ZNF407: variants seen among roughly 807,000 people sequenced by gnomAD.
The protein encoded by ZNF407 is zinc finger protein 407.
ZNF407 carries 17 observed loss-of-function variants against 131.2 expected under a neutral mutation model. The observed-to-expected ratio is 0.13, with a 90% CI of 0.09 to 0.19. The LOEUF is 0.19. ZNF407 is among the 10% of genes least tolerant of loss of function. The pLI, the probability that ZNF407 is intolerant of heterozygous loss-of-function variation, is 1.00. For synonymous variants in ZNF407, 1,156 were observed against 1,062.0 expected, an observed-to-expected ratio of 1.09 and a Z score of -1.72; for missense variants, 2,681 against 2,830.6, an observed-to-expected ratio of 0.95 and a Z score of 1.20.
intron 4 of ZNF407, among the ~76,000 whole-genome samples, chr18:74,803,193 C>G (rs1291494821): frequency 1.3e-5 from 2 of 152,206 alleles, no homozygotes; most frequent in African/African-American, 4.8e-5. Flanking sequence ...TCACTCAATC[C>G]TGAGCTAACT....
intron 4 of ZNF407, among the ~76,000 whole-genome samples, chr18:74,827,799 T>C (rs896820273): frequency 3.3e-5 from 5 of 152,226 alleles, no homozygotes; most frequent in Non-Finnish European, 7.3e-5. Context: ...TGTGTATTTC[T>C]AAGTCTGTCT....
chr18:74,832,614 A>G (rs575301601), intron 4 of ZNF407, among the ~76,000 whole-genome samples: 45 of 152,260 alleles, frequency 3.0e-4, no homozygotes, highest in African/African-American at 9.6e-4. Flanking sequence ...GATTTCAAAT[A>G]TGATGATATC....
intron 3 of ZNF407, among the ~76,000 whole-genome samples, chr18:74,758,295 T>A (rs552848631): frequency 1.3e-5 from 2 of 152,322 alleles, no homozygotes; most frequent in East Asian, 3.9e-4. Context: ...AGTTCATGCA[T>A]ATACACACAT....
chr18:74,813,854 A>G (rs898398714), intron 4 of ZNF407, among the ~76,000 whole-genome samples: 6 of 152,176 alleles, frequency 3.9e-5, no homozygotes, highest in African/African-American at 1.4e-4. Flanking sequence ...TATATATCCT[A>G]TCAGGAAGTG....
At chr18:74,912,052 G>A (rs1863416) in intron 7 of ZNF407, among the ~76,000 whole-genome samples, 64,223 of 151,928 alleles carry the variant, frequency 0.42, 16,911 homozygotes, top group Non-Finnish European at 0.57. Context: ...TAGTGAGGCC[G>A]ATGCATGGAT....
At chr18:74,962,370 C>G (rs752794616) in intron 8 of ZNF407, among the ~76,000 whole-genome samples, 1 of 152,232 alleles carries the variant, frequency 6.6e-6, no homozygotes. Flanking sequence ...ATTTGGCATA[C>G]TCTCTCATCT....
chr18:74,814,485 T>G (rs1233099068), intron 4 of ZNF407, among the ~76,000 whole-genome samples: 1 of 152,160 alleles, frequency 6.6e-6, no homozygotes, highest in Non-Finnish European at 1.5e-5. Flanking sequence ...TAATGTATGT[T>G]TACTTGAGCT....
intron 4 of ZNF407, among the ~76,000 whole-genome samples, chr18:74,875,978 C>T (rs1469738298): frequency 6.6e-6 from 1 of 151,998 alleles, no homozygotes; most frequent in Non-Finnish European, 1.5e-5. Context: ...TTGTGATATT[C>T]CGAGTGATGA....
In ZNF407 at chr18:74,967,185, T is replaced by A. The variant is rs547193039; in HGVS notation, c.5428+46493T>A. Among the ~76,000 whole-genome samples the A allele has an allele frequency of 1.5e-4, 23 of 152,248 alleles. No homozygotes were observed. The East Asian group carries it at 4.4e-3, about 29-fold the overall frequency. On this transcript the variant is annotated intron_variant, in intron 8 of 8. Transcript: ENST00000299687. ...GGGAGGATCACCTGAGCCTGGGAGGTTGAGGCTGCAGTAATTGTGCTGCTG... is the reference window on the plus strand; with the variant it reads ...GGGAGGATCACCTGAGCCTGGGAGGATGAGGCTGCAGTAATTGTGCTGCTG...
chr18:74,615,651 A>G (rs1279539199), intron 1 of ZNF407, among the ~76,000 whole-genome samples: 3 of 152,240 alleles, frequency 2.0e-5, no homozygotes, highest in African/African-American at 2.4e-5. Flanking sequence ...GAAAATTTAT[A>G]TTCTGCAGTT....
intron 4 of ZNF407, among the ~76,000 whole-genome samples, chr18:74,868,772 A>G (rs1198081167): frequency 1.3e-5 from 2 of 152,134 alleles, no homozygotes; most frequent in Non-Finnish European, 2.9e-5. Flanking sequence ...ATTTCAATCT[A>G]TGTGTATTGA....
At chr18:75,005,654 T>C (rs1383925786) in intron 8 of ZNF407, among the ~76,000 whole-genome samples, 1 of 151,742 alleles carries the variant, frequency 6.6e-6, no homozygotes, top group Non-Finnish European at 1.5e-5. Context: ...TGTACTTAAA[T>C]TCTTGTCTCC....
At chr18:74,890,935 T>C (rs1971375819) in intron 7 of ZNF407, among the ~76,000 whole-genome samples, 1 of 152,292 alleles carries the variant, frequency 6.6e-6, no homozygotes, top group South Asian at 2.1e-4. Context: ...GCTGAAAGCA[T>C]CTTGGGAGGT....
At chr18:74,728,499 T>C (rs1968213060) in intron 3 of ZNF407, among the ~76,000 whole-genome samples, 1 of 152,186 alleles carries the variant, frequency 6.6e-6, no homozygotes, top group Admixed American at 6.5e-5. Context: ...CTTTACCTGC[T>C]TTTTACCTAG....
intron 3 of ZNF407, among the ~76,000 whole-genome samples, chr18:74,641,982 A>G (rs1984742375): frequency 6.6e-6 from 1 of 151,092 alleles, no homozygotes; most frequent in Non-Finnish European, 1.5e-5. Context: ...AAAATACCAC[A>G]GGCCCAATTA....
intron 4 of ZNF407, among the ~76,000 whole-genome samples, chr18:74,837,546 T>C (rs1357589774): frequency 6.6e-6 from 1 of 152,206 alleles, no homozygotes; most frequent in African/African-American, 2.4e-5. Context: ...AAGAGTAACA[T>C]GCGCTCATTG....
chr18:75,037,903 G>A (rs1425541056), intron 8 of ZNF407, among the ~76,000 whole-genome samples: 1 of 152,092 alleles, frequency 6.6e-6, no homozygotes, highest in Admixed American at 6.5e-5. Flanking sequence ...AATCTTAGAA[G>A]TTATACTCAT....
chr18:75,021,129 A>T (rs945603711), intron 8 of ZNF407, among the ~76,000 whole-genome samples: 1 of 152,118 alleles, frequency 6.6e-6, no homozygotes, highest in Non-Finnish European at 1.5e-5. Context: ...AGCTAAATAC[A>T]TCTGATTTCA....
intron 7 of ZNF407, among the ~76,000 whole-genome samples, chr18:74,894,655 A>T (rs2145201245): frequency 6.6e-6 from 1 of 152,200 alleles, no homozygotes; most frequent in Non-Finnish European, 1.5e-5. Context: ...TTTATAGGGG[A>T]TATATAATAA....
Sources: allele counts gnomAD v4.1 joint callset (sites outside exome capture counted in the v4.1 genomes callset), GRCh38; gene constraint gnomAD v4.1.1; transcripts MANE v1.5; gene names NCBI Gene and HGNC (gene_info 2026-07-23, HGNC 2026-07-21).